PTP4A1: variants seen among roughly 807,000 people sequenced by gnomAD.
The protein encoded by PTP4A1 is protein tyrosine phosphatase 4A1.
In PTP4A1, 9 loss-of-function variants were observed where a neutral mutation model predicts 20.5. The ratio of observed to expected loss-of-function variants is 0.44; its 90% CI spans 0.26 to 0.77. The LOEUF (loss-of-function observed/expected upper bound fraction) is 0.77. Ranked by LOEUF, PTP4A1 falls within the 30% of genes least tolerant of loss-of-function variation. The pLI, the probability that PTP4A1 is intolerant of heterozygous loss-of-function variation, is 0.19. For synonymous variants in PTP4A1, 78 were observed against 67.4 expected (o/e 1.16, Z -0.77); for missense variants, 137 against 218.8 (o/e 0.63, Z 2.36).
intron 2 of PTP4A1, among the ~76,000 whole-genome samples, chr6:63,544,379 A>G (rs983941206): frequency 1.3e-5 from 2 of 152,198 alleles, no homozygotes; most frequent in African/African-American, 2.4e-5. Flanking sequence ...TGCAGACATT[A>G]TATCTTTAAC....
At chr6:63,566,848 A>G (rs1352090340) in intron 3 of PTP4A1, among the ~76,000 whole-genome samples, 1 of 152,226 alleles carries the variant, frequency 6.6e-6, no homozygotes. Context: ...CAGTCCTCTT[A>G]AAACTCACCC....
upstream of PTP4A1, among the ~76,000 whole-genome samples, chr6:63,517,435 A>C (rs1372613918): frequency 1.3e-5 from 2 of 152,218 alleles, no homozygotes; most frequent in Admixed American, 6.5e-5. Context: ...TCTGAATTTT[A>C]AAAAGAAATT....
chr6:63,522,469 G>A (rs1487189018), intron 1 of PTP4A1, among the ~76,000 whole-genome samples: 2 of 152,190 alleles, frequency 1.3e-5, no homozygotes, highest in African/African-American at 4.8e-5. Flanking sequence ...AAATGCCAGA[G>A]CTCTTTATCA....
chr6:63,521,883 A>T (rs1774938523), intron 1 of PTP4A1: 1 of 152,228 alleles, frequency 6.6e-6, no homozygotes, highest in South Asian at 2.1e-4. Context: ...ACAGACTGTT[A>T]GAACAATGGG....
At chr6:63,530,371 C>G (rs1325948319) in intron 2 of PTP4A1, among the ~76,000 whole-genome samples, 1 of 152,110 alleles carries the variant, frequency 6.6e-6, no homozygotes, top group African/African-American at 2.4e-5. Context: ...TATGATGGTA[C>G]TGGAAGGCAG....
chr6:63,568,860 T>C (rs796537626), upstream of PTP4A1, among the ~76,000 whole-genome samples: 15 of 152,296 alleles, frequency 9.8e-5, no homozygotes, highest in African/African-American at 3.6e-4. Context: ...AATATGGGTA[T>C]GGGAACTTAC....
At chr6:63,534,303 A>G (rs796731480) in intron 2 of PTP4A1, among the ~76,000 whole-genome samples, 40 of 152,294 alleles carry the variant, frequency 2.6e-4, no homozygotes, top group African/African-American at 9.6e-4. Context: ...ACTACATCTG[A>G]TGCCATGCAA....
At chr6:63,534,093 T>A (rs1178025533) in intron 2 of PTP4A1, among the ~76,000 whole-genome samples, 1 of 152,164 alleles carries the variant, frequency 6.6e-6, no homozygotes, top group Non-Finnish European at 1.5e-5. Flanking sequence ...TCTGCCCACC[T>A]TGACCTATCA....
intron 2 of PTP4A1, among the ~76,000 whole-genome samples, chr6:63,536,317 C>A (rs1445131782): frequency 6.6e-6 from 1 of 152,012 alleles, no homozygotes; most frequent in East Asian, 1.9e-4. Context: ...GCAACAAGAG[C>A]TAGATTCTGT....
intron 2 of PTP4A1, among the ~76,000 whole-genome samples, chr6:63,530,254 A>G (rs1009522785): frequency 6.6e-6 from 1 of 152,202 alleles, no homozygotes; most frequent in Non-Finnish European, 1.5e-5. Context: ...AGATTATTCC[A>G]AGGTGAAGAA....
intron 1 of PTP4A1, chr6:63,573,118 C>G (rs1174909493): frequency 6.1e-6 from 1 of 163,526 alleles, no homozygotes; most frequent in African/African-American, 2.4e-5. Context: ...TGGTCTGGCG[C>G]GACCCGTCCG....
upstream of PTP4A1, among the ~76,000 whole-genome samples, chr6:63,568,563 G>GA (rs763843030): frequency 6.6e-6 from 1 of 151,688 alleles, no homozygotes; most frequent in Non-Finnish European, 1.5e-5. Flanking sequence ...GAATTACCAA[G>GA]ATGTAACACA....
chr6:63,517,026 CT>C (rs1774753519), upstream of PTP4A1, among the ~76,000 whole-genome samples: 2 of 152,120 alleles, frequency 1.3e-5, no homozygotes, highest in African/African-American at 4.8e-5. Context: ...ATATTTATTT[CT>C]CTGTCTGCCA....
At chr6:63,535,690 T>A (rs888159599) in intron 2 of PTP4A1, among the ~76,000 whole-genome samples, 6 of 151,350 alleles carry the variant, frequency 4.0e-5, no homozygotes, top group African/African-American at 1.5e-4. Context: ...TTATAGTAGT[T>A]TTGATGAGTT....
chr6:63,524,096 T>C (rs888441151), intron 1 of PTP4A1, among the ~76,000 whole-genome samples: 1 of 152,110 alleles, frequency 6.6e-6, no homozygotes, highest in Admixed American at 6.6e-5. Context: ...ATTCTCCCCA[T>C]GTCTCAGCTT....
intron 3 of PTP4A1, among the ~76,000 whole-genome samples, chr6:63,552,975 T>A (rs1776519122): frequency 6.6e-6 from 1 of 152,164 alleles, no homozygotes; most frequent in East Asian, 1.9e-4. Flanking sequence ...TGTTTTATGA[T>A]CATAACCTTT....
At chr6:63,562,856 A>G (rs932189107) in intron 3 of PTP4A1, among the ~76,000 whole-genome samples, 2 of 152,220 alleles carry the variant, frequency 1.3e-5, no homozygotes, top group African/African-American at 4.8e-5. Context: ...TATTCCCTAC[A>G]AACATATTGC....
intron 3 of PTP4A1, among the ~76,000 whole-genome samples, chr6:63,561,976 C>T (rs1776976017): frequency 6.6e-6 from 1 of 151,894 alleles, no homozygotes; most frequent in Non-Finnish European, 1.5e-5. Context: ...ATGATTTTTC[C>T]CCAACTGTAA....
At chr6:63,566,768 A>C (rs1777207524) in intron 3 of PTP4A1, among the ~76,000 whole-genome samples, 1 of 152,114 alleles carries the variant, frequency 6.6e-6, no homozygotes, top group South Asian at 2.1e-4. Flanking sequence ...TCCACAAAAA[A>C]TTTCTCTGTA....
Sources: gnomAD v4.1 joint callset for allele counts (sites outside exome capture counted in the v4.1 genomes callset) on GRCh38, gnomAD v4.1.1 for gene constraint, MANE v1.5 for transcripts, NCBI Gene and HGNC (gene_info 2026-07-23, HGNC 2026-07-21) for gene names.